AKR1C8: variants seen among roughly 807,000 people sequenced by gnomAD.
AKR1C8 encodes aldo-keto reductase family 1 member C8.
chr10:5,136,685 A>G, the AKR1C8 span, among the ~76,000 whole-genome samples: 1 of 152,242 alleles, frequency 6.6e-6, no homozygotes, highest in South Asian at 2.1e-4. Context: ...TTTCCACATC[A>G]AAAGGACAAT....
At chr10:5,121,932 G>C in the AKR1C8 span, among the ~76,000 whole-genome samples, 59,564 of 151,790 alleles carry the variant, frequency 0.39, 12,496 homozygotes, top group Non-Finnish European at 0.43. Flanking sequence ...AAATTGAGCC[G>C]TGGAGGAAAC....
At chr10:5,125,930 C>G in the AKR1C8 span, among the ~76,000 whole-genome samples, 1 of 152,182 alleles carries the variant, frequency 6.6e-6, no homozygotes, top group South Asian at 2.1e-4. Flanking sequence ...TAGTCTGGCT[C>G]TCAGGATCTT....
the AKR1C8 span, among the ~76,000 whole-genome samples, chr10:5,166,535 G>A: frequency 1.3e-5 from 2 of 152,068 alleles, no homozygotes; most frequent in Non-Finnish European, 2.9e-5. Context: ...CAAGAAATGG[G>A]GAAATGATTC....
At chr10:5,169,989 G>A in the AKR1C8 span, among the ~76,000 whole-genome samples, 17 of 152,062 alleles carry the variant, frequency 1.1e-4, no homozygotes, top group Non-Finnish European at 1.9e-4. Flanking sequence ...GTTTTGACTC[G>A]AGTGTGATGT....
At chr10:5,133,432 G>A in the AKR1C8 span, among the ~76,000 whole-genome samples, 1 of 152,092 alleles carries the variant, frequency 6.6e-6, no homozygotes, top group South Asian at 2.1e-4. Flanking sequence ...ACACATGGAA[G>A]AAGGCACATG....
At chr10:5,184,959 G>A in the AKR1C8 span, 1 of 528,512 alleles carries the variant, frequency 1.9e-6, no homozygotes, top group Admixed American at 2.0e-5. Context: ...CCTGATGACT[G>A]CCCTGCAAGT....
the AKR1C8 span, chr10:5,158,800 A>G: frequency 8.8e-6 from 4 of 452,762 alleles, no homozygotes; most frequent in Non-Finnish European, 1.3e-5. Flanking sequence ...GTGTAATACT[A>G]CATTAATAGA....
chr10:5,175,730 T>C, the AKR1C8 span, among the ~76,000 whole-genome samples: 1 of 152,226 alleles, frequency 6.6e-6, no homozygotes, highest in Non-Finnish European at 1.5e-5. Context: ...TGGCCAGTGA[T>C]GGTGAGCATT....
chr10:5,141,758 A>T, the AKR1C8 span, among the ~76,000 whole-genome samples: 1 of 152,154 alleles, frequency 6.6e-6, no homozygotes, highest in African/African-American at 2.4e-5. Context: ...TCTGCTTTTT[A>T]TTTTAAACAG....
chr10:5,123,644 A>T, the AKR1C8 span: 1 of 1,408,164 alleles, frequency 7.1e-7, no homozygotes, highest in Non-Finnish European at 9.8e-7. Context: ...CAGGAAAGAG[A>T]GTACCATATA....
chr10:5,119,598 C>T, the AKR1C8 span, among the ~76,000 whole-genome samples: 2 of 152,092 alleles, frequency 1.3e-5, no homozygotes, highest in Non-Finnish European at 2.9e-5. Flanking sequence ...GAAAAACAAA[C>T]ATCCTCATAT....
At chr10:5,161,293 T>A in the AKR1C8 span, among the ~76,000 whole-genome samples, 1 of 152,144 alleles carries the variant, frequency 6.6e-6, no homozygotes, top group Non-Finnish European at 1.5e-5. Context: ...TCAGTGTGTT[T>A]AGCCCCAGTT....
the AKR1C8 span, among the ~76,000 whole-genome samples, chr10:5,135,766 A>ATTT: frequency 2.6e-5 from 4 of 151,850 alleles, no homozygotes; most frequent in African/African-American, 9.7e-5. Flanking sequence ...ACATGATGCT[A>ATTT]AAGGAATGAC....
At chr10:5,141,299 T>A in the AKR1C8 span, among the ~76,000 whole-genome samples, 2 of 152,186 alleles carry the variant, frequency 1.3e-5, no homozygotes, top group Non-Finnish European at 2.9e-5. Flanking sequence ...CTTCTCATTC[T>A]ACCTTTCTTG....
At chr10:5,134,621 G>C in the AKR1C8 span, among the ~76,000 whole-genome samples, 71,503 of 151,900 alleles carry the variant, frequency 0.47, 17,812 homozygotes, top group East Asian at 0.86. Context: ...ATGGGAACTT[G>C]TATTAAGTCC....
the AKR1C8 span, among the ~76,000 whole-genome samples, chr10:5,118,225 C>T: frequency 6.6e-6 from 1 of 151,938 alleles, no homozygotes; most frequent in Non-Finnish European, 1.5e-5. Flanking sequence ...GGGAAGTTAA[C>T]CAAAAAAAGG....
At chr10:5,116,101 C>G in the AKR1C8 span, among the ~76,000 whole-genome samples, 4 of 152,140 alleles carry the variant, frequency 2.6e-5, no homozygotes, top group African/African-American at 9.7e-5. Context: ...TCCCATTGAC[C>G]TTAATCACAC....
the AKR1C8 span, among the ~76,000 whole-genome samples, chr10:5,168,755 A>C: frequency 6.6e-6 from 1 of 152,138 alleles, no homozygotes; most frequent in Non-Finnish European, 1.5e-5. Context: ...TGAAAAAGAT[A>C]AGATCCCCAT....
At chr10:5,146,059 G>A in the AKR1C8 span, among the ~76,000 whole-genome samples, 2,670 of 151,900 alleles carry the variant, frequency 0.018, 75 homozygotes, top group African/African-American at 0.061. Flanking sequence ...GGACATGGAT[G>A]AAATTGGAAA....
Sources: gnomAD v4.1 joint callset for allele counts (sites outside exome capture counted in the v4.1 genomes callset) on GRCh38, gnomAD v4.1.1 for gene constraint, MANE v1.5 for transcripts, NCBI Gene and HGNC (gene_info 2026-07-23, HGNC 2026-07-21) for gene names.